TINAGL1: variants seen among roughly 807,000 people sequenced by gnomAD.
The protein encoded by TINAGL1 is tubulointerstitial nephritis antigen like 1.
A neutral mutation model predicts 62.0 loss-of-function variants in TINAGL1; 34 were observed. The observed-to-expected ratio is 0.55, with a 90% CI of 0.42 to 0.73. The LOEUF (loss-of-function observed/expected upper bound fraction) is 0.73, where lower values mean the gene tolerates loss of function less well. Among genes scored for constraint, TINAGL1 ranks in the 30% least tolerant of loss-of-function variants. The pLI, the probability that TINAGL1 is intolerant of heterozygous loss-of-function variation, is 0.00. For synonymous variants in TINAGL1, 221 were observed against 249.7 expected, an observed-to-expected ratio of 0.88 and a Z score of 1.08; for missense variants, 516 against 653.2, an observed-to-expected ratio of 0.79 and a Z score of 2.29.
rs201142456 is a variant in TINAGL1, at chr1:31,586,794, C to T, written c.1263+39C>T. Reference sequence around the variant, plus strand: ...CCCTTTCCCCGCCCCCTCTTCCCCTCGCCCCACTCCCATTCCCCTTCTCAC... The same window carrying T: ...CCCTTTCCCCGCCCCCTCTTCCCCTTGCCCCACTCCCATTCCCCTTCTCAC... On this transcript the variant is annotated intron_variant, in intron 11 of 11. Transcript: ENST00000271064. 1.1e-5 allele frequency: 17 copies of T among 1,548,590 alleles called. No homozygotes were observed. The East Asian group carries it at 2.9e-4, about 27-fold the overall frequency.
At chr1:31,586,305 G>C in intron 10 of TINAGL1, 2 of 348,246 alleles carry the variant, frequency 5.7e-6, no homozygotes, top group Non-Finnish European at 1.1e-5. Flanking sequence ...GGTGGGAATT[G>C]GCGGTCTCTA....
Position 31,585,906 on chromosome 1 carries a change from G to T in TINAGL1, c.1217+30G>T. 1 of 1,551,696 alleles carries T rather than the reference G, an allele frequency of 6.4e-7. No individual in the cohort carries two copies. The highest frequency in any genetic ancestry group is 1.2e-5 in the South Asian group (1 of 83,396). Reference sequence around the variant, plus strand: ...GGGGCGTGTGGGCAGAGGGGGTTTGGGACAGCAGGGTTTGTGCTAGGGGCT... The same window carrying T: ...GGGGCGTGTGGGCAGAGGGGGTTTGTGACAGCAGGGTTTGTGCTAGGGGCT... On this transcript the variant is annotated intron_variant, in intron 10 of 11. Transcript: ENST00000271064. This position sits in a 1 kb window ranked among gnomAD's most constrained non-coding sequence, Gnocchi z 4.3.
chr1:31,580,132 G>A (rs1156746768), intron 3 of TINAGL1, among the ~76,000 whole-genome samples: 4 of 148,858 alleles, frequency 2.7e-5, no homozygotes, highest in Non-Finnish European at 4.5e-5. Flanking sequence ...GGTTCTGATA[G>A]GATGGCTCTG....
chr1:31,583,305 GC>G lies in TINAGL1; in HGVS notation c.467+65del. On this transcript the variant is annotated intron_variant, in intron 4 of 11. Coordinates refer to ENST00000271064, the MANE Select transcript of TINAGL1 (RefSeq NM_022164.3). The surrounding 1 kb of genome is among the most constrained non-coding windows in gnomAD (Gnocchi z 4.4). Reference sequence around the variant, plus strand: ...CATACTCATGCATGTATACACGCATGCTGTGCTGTGGGGCACGTCCAGCAGG... The same window carrying G: ...CATACTCATGCATGTATACACGCATGTGTGCTGTGGGGCACGTCCAGCAGG... 6.4e-7 allele frequency: 1 copy of G among 1,566,278 alleles called. No individual in the cohort carries two copies. Among genetic ancestry groups the G allele is most frequent in the Non-Finnish European group, 8.8e-7 (1 of 1,137,664 alleles).
At chr1:31,580,227 G>GTCTCTCTCTCTC (rs1235048870) in intron 3 of TINAGL1, 3 of 585,104 alleles carry the variant, frequency 5.1e-6, no homozygotes, top group Admixed American at 7.1e-5. Flanking sequence ...CTCTCTCTCT[G>GTCTCTCTCTCTC]TCTCTCTCTG....
chr1:31,585,123 C>A lies in TINAGL1; in HGVS notation c.858-28C>A. 1 of 1,564,482 alleles carries A rather than the reference C, an allele frequency of 6.4e-7. No homozygotes were observed. Among genetic ancestry groups the A allele is most frequent in the Non-Finnish European group, 8.7e-7 (1 of 1,151,716 alleles). On this transcript the variant is annotated intron_variant, in intron 7 of 11. Coordinates refer to ENST00000271064, the MANE Select transcript of TINAGL1 (RefSeq NM_022164.3). The surrounding 1 kb of genome is among the most constrained non-coding windows in gnomAD (Gnocchi z 4.3). ...GGCCATGATGCACTGAGTCTTTCTG[C>A]CTTTGCTCCCTCTTGCTGCCTTTGC...
intron 3 of TINAGL1, among the ~76,000 whole-genome samples, chr1:31,581,298 C>G (rs542922384): frequency 6.6e-6 from 1 of 152,076 alleles, no homozygotes. Flanking sequence ...AGGGGATGGC[C>G]GGGAATTTTA....
chr1:31,582,532 A>G (rs1220315980), intron 3 of TINAGL1, among the ~76,000 whole-genome samples: 1 of 152,086 alleles, frequency 6.6e-6, no homozygotes, highest in East Asian at 1.9e-4. Context: ...GAGGAACGAC[A>G]TGATATGACT....
At position 31,580,162 on chromosome 1, in the gene TINAGL1, GCTCTCTCTCTCTCTCTCTCTCTCT is replaced by G. The variant is rs761677862; in HGVS notation, c.374+922_374+945del. On this transcript the variant is annotated intron_variant, in intron 3 of 11. Transcript: ENST00000271064. ...GCTCTGGACGTTGAGGGGTTAATGC[GCTCTCTCTCTCTCTCTCTCTCTCT>G]CTCTCTCTCTCTCTCTCTCTCTCTC... 1.9e-4 allele frequency: 88 copies of G among 474,202 alleles called. No homozygotes were observed. The East Asian group carries it at 2.3e-3, about 12-fold the overall frequency. 29.4% of individuals were successfully genotyped at this position (474,202 alleles called of 1,614,324 possible). A position where few individuals can be genotyped will look rare whatever the true frequency, so the allele number is the denominator to read the frequency against.
Position 31,585,959 on chromosome 1 carries a change from C to G in TINAGL1, c.1217+83C>G. 6.9e-7 allele frequency: 1 copy of G among 1,458,588 alleles called. No individual in the cohort carries two copies. Among genetic ancestry groups the G allele is most frequent in the Non-Finnish European group, 9.1e-7 (1 of 1,100,268 alleles). 90.4% of individuals were successfully genotyped at this position (1,458,588 alleles called of 1,614,324 possible). A position where few individuals can be genotyped will look rare whatever the true frequency, so the allele number is the denominator to read the frequency against. On this transcript the variant is annotated intron_variant, in intron 10 of 11. Transcript: ENST00000271064. This position sits in a 1 kb window ranked among gnomAD's most constrained non-coding sequence, Gnocchi z 4.3. ...GGAGCCTGCCTTGGGTTCTTACAAC[C>G]TCTCTAAAAAGCCAGGACTGCTCTC...
rs148269987 is a variant in TINAGL1 at position 31,585,810 on chromosome 1, C to A, written c.1151C>A (p.Thr384Lys). ...TACAAGGGAGGCATCTACAGCCACA[C>A]GCCAGTGAGCCTTGGGAGGCCAGAG... is the stretch of plus-strand genomic sequence containing the variant. ...FLYKGGIYSH[T>K]PVSLGRPERY... The change falls in exon 10 of 12, where the codon ACG (threonine) becomes AAG (lysine). Residue 384 changes from threonine (T) to lysine (K), a missense_variant. Thr to Lys is a moderately conservative substitution (Grantham distance 78, BLOSUM62 -1). Coordinates refer to ENST00000271064, the MANE Select transcript of TINAGL1 (RefSeq NM_022164.3). The surrounding 1 kb of genome is among the most constrained non-coding windows in gnomAD (Gnocchi z 4.3). 1.9e-6 allele frequency: 3 copies of A among 1,612,786 alleles called. No individual in the cohort carries two copies. The highest frequency in any genetic ancestry group is 2.7e-5 in the African/African-American group (2 of 74,892).
chr1:31,584,975 C>G lies in TINAGL1; in HGVS notation c.796C>G (p.Gln266Glu). The change falls in exon 7 of 12, where the codon CAG (glutamine) becomes GAG (glutamate). Residue 266 changes from glutamine to glutamate, a missense_variant. Physicochemically the swap from Gln to Glu is conservative, Grantham distance 29. Coordinates refer to ENST00000271064, the MANE Select transcript of TINAGL1 (RefSeq NM_022164.3). The surrounding 1 kb of genome is among the most constrained non-coding windows in gnomAD (Gnocchi z 4.0). ...GAACCTGCTGTCTTGTGACACCCAC[C>G]AGCAGCAGGGCTGCCGCGGTGGGCG... ...PQNLLSCDTH[Q>E]QQGCRGGRLD... 1 of 1,611,860 alleles carries G rather than the reference C, an allele frequency of 6.2e-7. No individual in the cohort carries two copies. Among genetic ancestry groups the G allele is most frequent in the Non-Finnish European group, 8.5e-7 (1 of 1,178,132 alleles).
rs1321499849 is a variant in TINAGL1 at position 31,577,433 on chromosome 1, G to A, written c.285G>A (p.Val95=). Residue 95 remains valine, a synonymous_variant, in exon 2 of 12, where the codon GTG becomes GTA. Transcript: ENST00000271064. The surrounding 1 kb of genome is among the most constrained non-coding windows in gnomAD (Gnocchi z 5.4). ...ACTTCTGGGACTTCTGCCTCGGCGT[G>A]CCACCCCCTTTTCCCCCGATCCAAG... ...CPDFWDFCLG[V]PPPFPPIQGC... is the part of the protein sequence containing the mutation. 5.0e-6 allele frequency: 8 copies of A among 1,612,630 alleles called. No homozygotes were observed. The highest frequency in any genetic ancestry group is 5.9e-6 in the Non-Finnish European group (7 of 1,179,252).
chr1:31,578,498 ATG>A (rs71006310), intron 2 of TINAGL1, among the ~76,000 whole-genome samples: 6,650 of 43,048 alleles, frequency 0.15, 201 homozygotes, highest in East Asian at 0.32. Context: ...GAGAGCTGGT[ATG>A]TGTGTGTGTG....
chr1:31,578,856 AGCTT>A (rs1464287278), intron 2 of TINAGL1, among the ~76,000 whole-genome samples: 4 of 122,114 alleles, frequency 3.3e-5, no homozygotes, highest in East Asian at 2.5e-4. Flanking sequence ...CTTCAGTTAT[AGCTT>A]AATCTCAGTG....
In TINAGL1 at chr1:31,583,239, T is replaced by C. The variant is rs1468063817; in HGVS notation, c.465T>C (p.Tyr155=). Residue 155 remains tyrosine, a splice_region_variant and synonymous_variant, in exon 4 of 12, where the codon TAT becomes TAC. Transcript: ENST00000271064. The surrounding 1 kb of genome is among the most constrained non-coding windows in gnomAD (Gnocchi z 4.4). ...DMIKAINQGN[Y]GWQAGNHSAF... ...TCAAAGCCATCAACCAGGGCAACTA[T>C]GGGTGAGAGGCCCTAGAGGCACCCT... 1 of 1,614,144 alleles carries C rather than the reference T, an allele frequency of 6.2e-7. No homozygotes were observed. Among genetic ancestry groups the C allele is most frequent in the Non-Finnish European group, 8.5e-7 (1 of 1,179,996 alleles).
Position 31,583,103 on chromosome 1 carries a change from T to C in TINAGL1, c.375-46T>C, listed in dbSNP as rs1639289575. ...TCCGAGGCCACATTCCTTCAAAGTA[T>C]CCCCAGTCCCCCACTTACCCTTTCC... On this transcript the variant is annotated intron_variant, in intron 3 of 11. Transcript: ENST00000271064. The surrounding 1 kb of genome is among the most constrained non-coding windows in gnomAD (Gnocchi z 4.4). 1 of 1,570,208 alleles carries C rather than the reference T, an allele frequency of 6.4e-7. No homozygotes were observed. The highest frequency in any genetic ancestry group is 8.8e-7 in the Non-Finnish European group (1 of 1,140,266).
chr1:31,577,215 C>T lies in TINAGL1; in HGVS notation c.67C>T (p.Gln23Ter). ...PLAGHLALGA[Q>*]QGRGRRELAP... Reference sequence around the variant, plus strand: ...GGCTGGCCACTTGGCTCTGGGTGCCCAGCAGGGTCGTGGGCGCCGGGAGCT... The same window carrying T: ...GGCTGGCCACTTGGCTCTGGGTGCCTAGCAGGGTCGTGGGCGCCGGGAGCT... The change falls in exon 2 of 12, where the codon CAG becomes TAG. Residue 23 changes from glutamine to a stop codon, truncating the protein, a stop_gained. Coordinates refer to ENST00000271064, the MANE Select transcript of TINAGL1 (RefSeq NM_022164.3). LOFTEE classifies it high-confidence loss of function. The surrounding 1 kb of genome is among the most constrained non-coding windows in gnomAD (Gnocchi z 5.4). The T allele has an allele frequency of 2.5e-6, 4 of 1,600,838 alleles. No homozygotes were observed. Among genetic ancestry groups the T allele is most frequent in the Non-Finnish European group, 2.6e-6 (3 of 1,175,010 alleles).
At position 31,577,231 on chromosome 1, in the gene TINAGL1, G is replaced by A. The variant is rs538856713; in HGVS notation, c.83G>A (p.Arg28His). 22 of 1,605,656 alleles carry A rather than the reference G, an allele frequency of 1.4e-5. No individual in the cohort carries two copies. The highest frequency in any genetic ancestry group is 1.3e-4 in the African/African-American group (10 of 74,796). ...LALGAQQGRG[R>H]RELAPGLHLR... ...CTGGGTGCCCAGCAGGGTCGTGGGC[G>A]CCGGGAGCTAGCACCGGGTCTGCAC... Residue 28 changes from arginine to histidine, a missense_variant, in exon 2 of 12, where the codon CGC (arginine) becomes CAC (histidine). Transcript: ENST00000271064. This position sits in a 1 kb window ranked among gnomAD's most constrained non-coding sequence, Gnocchi z 5.4.
Sources: allele counts gnomAD v4.1 joint callset (sites outside exome capture counted in the v4.1 genomes callset), GRCh38; gene constraint gnomAD v4.1.1; non-coding constraint Gnocchi (gnomAD v3.1); transcripts MANE v1.5; gene names NCBI Gene and HGNC (gene_info 2026-07-23, HGNC 2026-07-21).